The following ATG7 variants were observed in gnomAD, a reference collection of about 807,000 sequenced individuals.
ATG7 encodes ubiquitin-like modifier-activating enzyme ATG7.
A neutral mutation model predicts 82.4 loss-of-function variants in ATG7; 70 were observed. The observed-to-expected ratio is 0.85, with a 90% CI of 0.70 to 1.04. The LOEUF (loss-of-function observed/expected upper bound fraction) is 1.04. Ranked by LOEUF, ATG7 falls within the 50% of genes least tolerant of loss-of-function variation. The pLI is 0.00. For synonymous variants in ATG7, 287 were observed against 313.0 expected (o/e 0.92, Z 0.88); for missense variants, 792 against 864.3 (o/e 0.92, Z 1.05).
At chr3:11,354,991 G>A (rs1029087931) in intron 14 of ATG7, among the ~76,000 whole-genome samples, 1 of 152,220 alleles carries the variant, frequency 6.6e-6, no homozygotes, top group Non-Finnish European at 1.5e-5. Context: ...GTGAGCTGAG[G>A]AAACAACCAG....
At chr3:11,517,044 CCA>C (rs2092302852) in intron 20 of ATG7, among the ~76,000 whole-genome samples, 2 of 152,172 alleles carry the variant, frequency 1.3e-5, no homozygotes, top group Admixed American at 1.3e-4. Context: ...GATCGCACCA[CCA>C]CACTCTAGCC....
chr3:11,476,454 C>A (rs1366312800), intron 20 of ATG7, among the ~76,000 whole-genome samples: 1 of 141,924 alleles, frequency 7.0e-6, no homozygotes, highest in African/African-American at 2.6e-5. Context: ...TAGATGAGAA[C>A]TACTGTTTGC....
chr3:11,277,973 T>C (rs1174419110), intron 1 of ATG7, among the ~76,000 whole-genome samples: 1 of 145,660 alleles, frequency 6.9e-6, no homozygotes, highest in African/African-American at 2.5e-5. Context: ...AATTTAGTGA[T>C]ATCTTCCCTA....
At chr3:11,464,229 A>G (rs1238445104) in intron 20 of ATG7, among the ~76,000 whole-genome samples, 1 of 152,190 alleles carries the variant, frequency 6.6e-6, no homozygotes, top group Non-Finnish European at 1.5e-5. Flanking sequence ...AAAATTGGCC[A>G]GGCATGGTGT....
intron 19 of ATG7, among the ~76,000 whole-genome samples, chr3:11,381,343 A>G (rs1287450782): frequency 6.6e-6 from 1 of 152,212 alleles, no homozygotes; most frequent in Non-Finnish European, 1.5e-5. Context: ...GTCTCAAAAT[A>G]ACTTGGCAGT....
At chr3:11,284,714 A>T (rs1006632936) in intron 3 of ATG7, among the ~76,000 whole-genome samples, 1 of 151,602 alleles carries the variant, frequency 6.6e-6, no homozygotes, top group African/African-American at 2.4e-5. Context: ...ACCACTCCAT[A>T]ATAATTTTTT....
At chr3:11,379,035 G>A (rs997145685) in intron 18 of ATG7, among the ~76,000 whole-genome samples, 4 of 151,970 alleles carry the variant, frequency 2.6e-5, no homozygotes, top group Admixed American at 2.0e-4. Context: ...AGCTCAGGCC[G>A]GGGGCAGGTT....
chr3:11,383,470 A>C (rs575210054), intron 19 of ATG7, among the ~76,000 whole-genome samples: 1 of 152,034 alleles, frequency 6.6e-6, no homozygotes, highest in East Asian at 1.9e-4. Context: ...TCCCTTTTCC[A>C]TATTTCTGAC....
chr3:11,386,202 G>A lies in ATG7; in HGVS notation c.1956+6150G>A, dbSNP rs530073003. 2.3e-4 allele frequency among the ~76,000 whole-genome samples: 35 copies of A among 152,288 alleles called. No homozygotes were observed. The South Asian group carries it at 6.2e-3, about 27-fold the overall frequency. On this transcript the variant is annotated intron_variant, in intron 19 of 20. Coordinates refer to ENST00000693202, the MANE Select transcript of ATG7 (RefSeq NM_001349232.2). ...ATTTTCTTCAGTGAGTCAGTTGAAT[G>A]AGATAAGTTCTGGCTCTCTATTGAC...
chr3:11,340,611 C>T, intron 11 of ATG7, 34 bp from the exon 12 acceptor site: 1 of 1,575,996 alleles, frequency 6.3e-7, no homozygotes, highest in Non-Finnish European at 8.7e-7. Flanking sequence ...ATTCTTCCCT[C>T]CTTCATTAAA....
At chr3:11,563,404 A>AGCGGGTCCCTGTGGGTCGCACTGC in the ATG7 span, among the ~76,000 whole-genome samples, 1 of 152,224 alleles carries the variant, frequency 6.6e-6, no homozygotes, top group East Asian at 1.9e-4. Context: ...GGGAGCAGTG[A>AGCGGGTCCCTGTGGGTCGCACTGC]GCGGGTCCCT....
intron 14 of ATG7, among the ~76,000 whole-genome samples, chr3:11,355,624 A>G (rs1030343745): frequency 1.1e-4 from 16 of 152,186 alleles, no homozygotes; most frequent in African/African-American, 3.1e-4. Flanking sequence ...CTCAACGTCA[A>G]TAGTCATCAG....
rs577380558 is a variant in ATG7 at position 11,407,698 on chromosome 3, G to A, written c.1957-19106G>A. The stretch of plus-strand genomic sequence containing the variant: ...TGTGTACTTGCAGGCTCAAAACCAC[G>A]TGGAAGCTGTCAAGTCTTGGGGCTT... On this transcript the variant is annotated intron_variant, in intron 19 of 20. Transcript: ENST00000693202. Among the ~76,000 whole-genome samples the A allele has an allele frequency of 3.3e-5, 5 of 152,308 alleles. 1 individual carries two copies. The highest frequency in any genetic ancestry group is 1.2e-4 in the African/African-American group (5 of 41,568).
chr3:11,380,053 G>C lies in ATG7; in HGVS notation c.1956+1G>C. 1.2e-6 allele frequency: 2 copies of C among 1,613,340 alleles called. No homozygotes were observed. Among genetic ancestry groups the C allele is most frequent in the Non-Finnish European group, 1.7e-6 (2 of 1,179,244 alleles). ...CAAATGTACAGCTTGTTCTTCCAAAGTAAGTCATTTTGTATTGGAGGGACT... is the reference window on the plus strand; with the variant it reads ...CAAATGTACAGCTTGTTCTTCCAAACTAAGTCATTTTGTATTGGAGGGACT... On this transcript the variant is annotated splice_donor_variant, in intron 19 of 20. Coordinates refer to ENST00000693202, the MANE Select transcript of ATG7 (RefSeq NM_001349232.2). LOFTEE classifies it high-confidence loss of function.
intron 18 of ATG7, among the ~76,000 whole-genome samples, chr3:11,372,817 CGCGCGT>C (rs1434231266): frequency 2.1e-4 from 17 of 80,106 alleles, no homozygotes; most frequent in East Asian, 4.8e-4. Context: ...TGTGTGTGTG[CGCGCGT>C]GTGCGTGTGT....
chr3:11,560,892 T>C (rs576342454), downstream of ATG7, among the ~76,000 whole-genome samples: 2 of 152,194 alleles, frequency 1.3e-5, no homozygotes, highest in South Asian at 4.2e-4. Flanking sequence ...GGTGAGAGAC[T>C]TCACAATGCT....
At position 11,530,902 on chromosome 3, in the gene ATG7, C is replaced by A. The variant is rs915365200; in HGVS notation, c.2080-23909C>A. The stretch of plus-strand genomic sequence containing the variant: ...AGGCTGAGGCAACGGTGTTGCTTGC[C>A]CCTGGGAGGCAGAGGTTGCAGTGAG... On this transcript the variant is annotated intron_variant, in intron 20 of 20. Coordinates refer to ENST00000693202, the MANE Select transcript of ATG7 (RefSeq NM_001349232.2). 2.0e-5 allele frequency among the ~76,000 whole-genome samples: 3 copies of A among 152,174 alleles called. No homozygotes were observed. The East Asian group carries it at 5.8e-4, about 29-fold the overall frequency.
chr3:11,326,214 C>T (rs1950853852), intron 9 of ATG7, among the ~76,000 whole-genome samples: 1 of 152,022 alleles, frequency 6.6e-6, no homozygotes, highest in Non-Finnish European at 1.5e-5. Context: ...TAAGCTGTTT[C>T]AATGTTTTGG....
At chr3:11,296,552 C>T (rs1312946908) in intron 3 of ATG7, among the ~76,000 whole-genome samples, 1 of 152,188 alleles carries the variant, frequency 6.6e-6, no homozygotes, top group South Asian at 2.1e-4. Context: ...TTACCCACTG[C>T]GGAATCATAT....
Sources: gnomAD v4.1 joint callset for allele counts (sites outside exome capture counted in the v4.1 genomes callset) on GRCh38, gnomAD v4.1.1 for gene constraint, MANE v1.5 for transcripts, NCBI Gene and HGNC (gene_info 2026-07-23, HGNC 2026-07-21) for gene names.